The following WWP2 variants were observed in gnomAD, a reference collection of about 807,000 sequenced individuals.
The protein encoded by WWP2 is NEDD4-like E3 ubiquitin-protein ligase WWP2.
Under a neutral mutation model 121.0 loss-of-function variants are expected in WWP2, and 57 were observed. The ratio of observed to expected loss-of-function variants is 0.47; its 90% CI spans 0.38 to 0.59. The LOEUF is 0.59. Among genes scored for constraint, WWP2 ranks in the 20% least tolerant of loss-of-function variants. The pLI is 0.00. For synonymous variants in WWP2, 449 were observed against 441.3 expected, an observed-to-expected ratio of 1.02 and a Z score of -0.22; for missense variants, 962 against 1,158.9, an observed-to-expected ratio of 0.83 and a Z score of 2.47.
At chr16:69,791,642 C>T (rs2055913305) in intron 2 of WWP2, among the ~76,000 whole-genome samples, 1 of 152,192 alleles carries the variant, frequency 6.6e-6, no homozygotes, top group South Asian at 2.1e-4. Context: ...CCTCAGCCTC[C>T]TGAGTAGCTA....
At chr16:69,885,700 A>G (rs779500520) in intron 7 of WWP2, among the ~76,000 whole-genome samples, 7 of 152,238 alleles carry the variant, frequency 4.6e-5, no homozygotes, top group Non-Finnish European at 1.0e-4. Flanking sequence ...GGTGTGAATT[A>G]GGTGCTATAT....
chr16:69,801,393 G>A (rs1325697937), intron 4 of WWP2, among the ~76,000 whole-genome samples: 1 of 151,488 alleles, frequency 6.6e-6, no homozygotes, highest in South Asian at 2.1e-4. Flanking sequence ...CGCCACCATG[G>A]CCTGGCTGTA....
intron 4 of WWP2, among the ~76,000 whole-genome samples, chr16:69,803,374 AAC>A (rs201099315): frequency 3.3e-5 from 5 of 150,064 alleles, no homozygotes; most frequent in African/African-American, 1.3e-4. Flanking sequence ...ACATAAAAAA[AAC>A]ATTATCTTAC....
chr16:69,799,611 A>C lies in WWP2; in HGVS notation c.340+316A>C, dbSNP rs554180979. 4 of 281,262 alleles carry C rather than the reference A, an allele frequency of 1.4e-5. No individual in the cohort carries two copies. In the East Asian group the frequency reaches 2.3e-4, roughly 16 times the overall value. The allele number at this position is 281,262 out of a possible 1,614,324, so 17.4% of individuals were successfully genotyped here. ...AGGAGATGTGTGATATGTTGAATGAAACTGTCAAATACCTCTAGCCTAAAT... is the reference window on the plus strand; with the variant it reads ...AGGAGATGTGTGATATGTTGAATGACACTGTCAAATACCTCTAGCCTAAAT... On this transcript the variant is annotated intron_variant, in intron 4 of 23. Transcript: ENST00000359154. This position sits in a 1 kb window ranked among gnomAD's most constrained non-coding sequence, Gnocchi z 4.5.
intron 8 of WWP2, among the ~76,000 whole-genome samples, chr16:69,900,464 A>G (rs1004824569): frequency 2.0e-5 from 3 of 152,142 alleles, no homozygotes; most frequent in African/African-American, 7.2e-5. Context: ...CTCTGTCTCT[A>G]TTTTTAAAAA....
At chr16:69,818,071 T>G (rs958468528) in intron 4 of WWP2, among the ~76,000 whole-genome samples, 1 of 152,190 alleles carries the variant, frequency 6.6e-6, no homozygotes, top group Non-Finnish European at 1.5e-5. Context: ...CATACCTGTT[T>G]CCCTGTATCT....
At chr16:69,918,397 G>A (rs2058507128) in intron 10 of WWP2, among the ~76,000 whole-genome samples, 1 of 152,186 alleles carries the variant, frequency 6.6e-6, no homozygotes, top group Non-Finnish European at 1.5e-5. Context: ...GCAAATAATA[G>A]TCCATGGGCC....
At chr16:69,923,752 G>A (rs886740385) in intron 10 of WWP2, among the ~76,000 whole-genome samples, 2 of 152,196 alleles carry the variant, frequency 1.3e-5, no homozygotes, top group Non-Finnish European at 2.9e-5. Flanking sequence ...CTGTAGCTCA[G>A]CACTTACCCA....
At chr16:69,890,990 G>A (rs1361987783) in intron 8 of WWP2, 1 of 152,170 alleles carries the variant, frequency 6.6e-6, no homozygotes, top group African/African-American at 2.4e-5. Flanking sequence ...TCCAGAGAAG[G>A]GTGTCGGAGA....
At chr16:69,853,492 C>T (rs897376111) in intron 6 of WWP2, among the ~76,000 whole-genome samples, 3 of 152,212 alleles carry the variant, frequency 2.0e-5, no homozygotes, top group African/African-American at 7.2e-5. Flanking sequence ...AAGAACTTCT[C>T]ATTGGTGCAA....
At chr16:69,789,726 A>G (rs2055868873) in intron 2 of WWP2, among the ~76,000 whole-genome samples, 1 of 152,218 alleles carries the variant, frequency 6.6e-6, no homozygotes, top group Non-Finnish European at 1.5e-5. Context: ...CTTTACCAGC[A>G]CAATGTTGTC....
At chr16:69,820,902 G>A (rs1277115162) in intron 4 of WWP2, among the ~76,000 whole-genome samples, 2 of 152,018 alleles carry the variant, frequency 1.3e-5, no homozygotes, top group African/African-American at 2.4e-5. Context: ...GAGGATGAAC[G>A]TCTTTTCCTG....
intron 6 of WWP2, among the ~76,000 whole-genome samples, chr16:69,854,315 AAG>A (rs1322875027): frequency 6.6e-6 from 1 of 152,138 alleles, no homozygotes; most frequent in Non-Finnish European, 1.5e-5. Context: ...ATGGCGAGGA[AAG>A]AGGGGTGCTT....
At chr16:69,929,301 G>T (rs546157042) in intron 11 of WWP2, 147 bp from the exon 12 acceptor site, 2 of 673,814 alleles carry the variant, frequency 3.0e-6, no homozygotes, top group South Asian at 3.9e-5. Context: ...AAGTGTGAGT[G>T]AGCTTGGCTT....
intron 8 of WWP2, among the ~76,000 whole-genome samples, chr16:69,903,350 C>T (rs2058234418): frequency 6.6e-6 from 1 of 152,148 alleles, no homozygotes; most frequent in South Asian, 2.1e-4. Context: ...CATTAGCCTA[C>T]CTTCATATTA....
At chr16:69,829,620 T>C (rs1161775026) in intron 4 of WWP2, among the ~76,000 whole-genome samples, 3 of 152,220 alleles carry the variant, frequency 2.0e-5, no homozygotes, top group African/African-American at 4.8e-5. Context: ...ATGACAGTTA[T>C]CAGTTTCTCA....
At chr16:69,851,735 C>A (rs751500324) in intron 6 of WWP2, among the ~76,000 whole-genome samples, 2 of 152,108 alleles carry the variant, frequency 1.3e-5, no homozygotes, top group Non-Finnish European at 2.9e-5. Context: ...AATCCTAGCA[C>A]TGTGGGAGGC....
chr16:69,779,833 T>A (rs923597031), intron 1 of WWP2, among the ~76,000 whole-genome samples: 5 of 152,228 alleles, frequency 3.3e-5, no homozygotes, highest in African/African-American at 7.2e-5. Flanking sequence ...TTTATAATTA[T>A]TTATAATCTT....
chr16:69,892,402 T>A (rs1432996907), intron 8 of WWP2, among the ~76,000 whole-genome samples: 3 of 152,046 alleles, frequency 2.0e-5, no homozygotes, highest in Non-Finnish European at 2.9e-5. Context: ...TGTCCATATG[T>A]TCTCATTGAA....
Sources: allele counts gnomAD v4.1 joint callset (sites outside exome capture counted in the v4.1 genomes callset), GRCh38; gene constraint gnomAD v4.1.1; non-coding constraint Gnocchi (gnomAD v3.1); transcripts MANE v1.5; gene names NCBI Gene and HGNC (gene_info 2026-07-23, HGNC 2026-07-21).